Variants in GALM observed in about 807,000 individuals in gnomAD.
GALM encodes the protein aldose 1-epimerase.
Under a neutral mutation model 37.4 loss-of-function variants are expected in GALM, and 43 were observed. That is an observed-to-expected ratio of 1.15 (90% CI 0.90 to 1.48). The LOEUF (loss-of-function observed/expected upper bound fraction) is 1.48, where lower values mean the gene tolerates loss of function less well. Among genes scored for constraint, GALM ranks in the 40% most tolerant of loss-of-function variants. The pLI, the probability that GALM is intolerant of heterozygous loss-of-function variation, is 0.00. For synonymous variants in GALM, 199 were observed against 170.6 expected, an observed-to-expected ratio of 1.17 and a Z score of -1.30; for missense variants, 456 against 419.1, an observed-to-expected ratio of 1.09 and a Z score of -0.77.
Position 38,708,661 on chromosome 2 carries a change from C to T in GALM, c.634+18767C>T, listed in dbSNP as rs1272395322. 2.1e-5 allele frequency among the ~76,000 whole-genome samples: 3 copies of T among 145,312 alleles called. 1 individual carries two copies. Among genetic ancestry groups the T allele is most frequent in the East Asian group, 4.2e-4 (2 of 4,802 alleles). ...GAAGAATGGCATGAACCCGGGTAGG[C>T]GGAGCTGGCAGTGAGCAAGATCATG... On this transcript the variant is annotated intron_variant, in intron 4 of 6. Transcript: ENST00000272252.
chr2:38,690,224 C>G (rs1216955917), intron 4 of GALM, among the ~76,000 whole-genome samples: 1 of 152,014 alleles, frequency 6.6e-6, no homozygotes, highest in Non-Finnish European at 1.5e-5. Context: ...GTAATCCCAG[C>G]ACTTTGAGAG....
At chr2:38,683,787 G>C (rs908646057) in intron 3 of GALM, among the ~76,000 whole-genome samples, 1 of 152,092 alleles carries the variant, frequency 6.6e-6, no homozygotes, top group African/African-American at 2.4e-5. Flanking sequence ...AGCTGGTCTC[G>C]AACTCCTGAC....
Position 38,731,899 on chromosome 2 carries a change from C to G in GALM, c.941C>G (p.Ala314Gly). The G allele has an allele frequency of 1.2e-6, 2 of 1,613,860 alleles. No individual in the cohort carries two copies. Among genetic ancestry groups the G allele is most frequent in the Non-Finnish European group, 1.7e-6 (2 of 1,179,790 alleles). ...CTGGAGACTCAGAACTGGCCTGATG[C>G]AGTCAATCAGGTAATGCCACAGGCT... ...FCLETQNWPD[A>G]VNQPRFPPVL... Residue 314 changes from alanine to glycine, a missense_variant, in exon 6 of 7, where the codon GCA becomes GGA. Coordinates refer to ENST00000272252, the MANE Select transcript of GALM (RefSeq NM_138801.3).
chr2:38,722,030 T>TCCCCCCCCCCCCCCCCCCC (rs1491365976), intron 4 of GALM, among the ~76,000 whole-genome samples: 40 of 41,394 alleles, frequency 9.7e-4, no homozygotes, highest in South Asian at 3.6e-3. Context: ...TGCCTTCCCT[T>TCCCCCCCCCCCCCCCCCCC]CCCCCCCCCA....
At chr2:38,688,230 T>C (rs1331335000) in intron 3 of GALM, among the ~76,000 whole-genome samples, 1 of 139,992 alleles carries the variant, frequency 7.1e-6, no homozygotes, top group East Asian at 2.2e-4. Flanking sequence ...AAAAAATGTG[T>C]ACTGGGTGCG....
At position 38,685,873 on chromosome 2, in the gene GALM, G is replaced by A. The variant is rs1271183892; in HGVS notation, c.553-3940G>A. Among the ~76,000 whole-genome samples, 3 of 151,638 alleles carry A rather than the reference G, an allele frequency of 2.0e-5. No homozygotes were observed. In the East Asian group the frequency reaches 5.8e-4, roughly 30 times the overall value. On this transcript the variant is annotated intron_variant, in intron 3 of 6. Transcript: ENST00000272252. ...GCTGGGATTACAGGCACGTGCCCCT[G>A]GCTAATTTTTTGTATTTTTAGTAGA... is the stretch of plus-strand genomic sequence containing the variant.
intron 2 of GALM, among the ~76,000 whole-genome samples, chr2:38,679,024 T>C (rs1199605510): frequency 1.3e-5 from 2 of 152,212 alleles, no homozygotes; most frequent in African/African-American, 4.8e-5. Flanking sequence ...TCTCACTCTG[T>C]TGCCCAGGCT....
intron 4 of GALM, among the ~76,000 whole-genome samples, chr2:38,708,079 C>T (rs1018143951): frequency 1.4e-5 from 2 of 146,816 alleles, no homozygotes; most frequent in African/African-American, 4.9e-5. Flanking sequence ...TGCACTCCAG[C>T]ATGGGCAACA....
intron 4 of GALM, among the ~76,000 whole-genome samples, chr2:38,701,096 G>T (rs1665907767): frequency 6.6e-6 from 1 of 152,236 alleles, no homozygotes; most frequent in Non-Finnish European, 1.5e-5. Context: ...AGTAGAAACA[G>T]ATCCCTGGTA....
chr2:38,678,465 C>T (rs1403242552), intron 2 of GALM, among the ~76,000 whole-genome samples: 1 of 152,132 alleles, frequency 6.6e-6, no homozygotes, highest in Non-Finnish European at 1.5e-5. Context: ...TTGGTTTACA[C>T]AAAAATCTTT....
intron 4 of GALM, among the ~76,000 whole-genome samples, chr2:38,692,776 G>C (rs531763446): frequency 2.6e-5 from 4 of 152,302 alleles, no homozygotes; most frequent in East Asian, 1.9e-4. Flanking sequence ...GGGGCTTCCA[G>C]ATAGAGGAAA....
chr2:38,701,205 A>C (rs931257618), intron 4 of GALM, among the ~76,000 whole-genome samples: 5 of 152,236 alleles, frequency 3.3e-5, no homozygotes, highest in Admixed American at 6.5e-5. Flanking sequence ...TGTAAATATT[A>C]CATTTCACCT....
chr2:38,679,207 G>T (rs1186438560), intron 2 of GALM, among the ~76,000 whole-genome samples: 2 of 152,080 alleles, frequency 1.3e-5, no homozygotes, highest in Admixed American at 6.6e-5. Flanking sequence ...GGCTTGTCTC[G>T]AACTCTTGAC....
At chr2:38,698,692 G>A (rs1477804170) in intron 4 of GALM, among the ~76,000 whole-genome samples, 3 of 152,172 alleles carry the variant, frequency 2.0e-5, no homozygotes, top group African/African-American at 7.2e-5. Flanking sequence ...TTCCCAGAAA[G>A]GACAGGGGTG....
intron 3 of GALM, among the ~76,000 whole-genome samples, chr2:38,683,879 T>C (rs984340594): frequency 2.6e-5 from 4 of 152,128 alleles, no homozygotes; most frequent in African/African-American, 7.2e-5. Context: ...AGATTTTAGA[T>C]TTTCAGATTA....
chr2:38,691,160 G>A (rs1018511410), intron 4 of GALM, among the ~76,000 whole-genome samples: 1 of 152,178 alleles, frequency 6.6e-6, no homozygotes, highest in African/African-American at 2.4e-5. Flanking sequence ...GGAAGAAAGT[G>A]AATCAATTAG....
intron 1 of GALM, among the ~76,000 whole-genome samples, chr2:38,669,847 T>C (rs1665043928): frequency 6.6e-6 from 1 of 151,238 alleles, no homozygotes; most frequent in African/African-American, 2.4e-5. Flanking sequence ...CACTCCAGCC[T>C]GGTGACAAAG....
At chr2:38,721,051 G>C (rs1666367330) in intron 4 of GALM, among the ~76,000 whole-genome samples, 1 of 152,210 alleles carries the variant, frequency 6.6e-6, no homozygotes, top group Non-Finnish European at 1.5e-5. Context: ...ATGTGGATGG[G>C]ATCTAGACTA....
intron 3 of GALM, among the ~76,000 whole-genome samples, chr2:38,687,157 CA>C (rs1665558107): frequency 6.6e-6 from 1 of 152,200 alleles, no homozygotes; most frequent in Non-Finnish European, 1.5e-5. Flanking sequence ...CCCACAGTCC[CA>C]GGGGCATCTC....
Sources: allele counts gnomAD v4.1 joint callset (sites outside exome capture counted in the v4.1 genomes callset), GRCh38; gene constraint gnomAD v4.1.1; transcripts MANE v1.5; gene names NCBI Gene and HGNC (gene_info 2026-07-23, HGNC 2026-07-21).